Variants in GCNT1 observed in about 807,000 individuals in gnomAD.
GCNT1 encodes the protein glucosaminyl (N-acetyl) transferase 1.
A neutral mutation model predicts 26.2 loss-of-function variants in GCNT1; 16 were observed. That is an observed-to-expected ratio of 0.61 (90% CI 0.41 to 0.93). GCNT1 has a LOEUF of 0.93. Among genes scored for constraint, GCNT1 ranks in the 40% least tolerant of loss-of-function variants. The pLI, the probability that GCNT1 is intolerant of heterozygous loss-of-function variation, is 0.00. For synonymous variants in GCNT1, 183 were observed against 190.8 expected (o/e 0.96, Z 0.34); for missense variants, 477 against 526.7 (o/e 0.91, Z 0.92).
chr9:76,475,273 TA>T (rs1224965779), intron 2 of GCNT1, among the ~76,000 whole-genome samples: 1 of 152,224 alleles, frequency 6.6e-6, no homozygotes, highest in Admixed American at 6.5e-5. Context: ...TGAAGCTGTT[TA>T]AAGGGCACAT....
intron 2 of GCNT1, among the ~76,000 whole-genome samples, chr9:76,472,699 AC>A (rs772041376): frequency 6.6e-6 from 1 of 151,850 alleles, no homozygotes; most frequent in Non-Finnish European, 1.5e-5. Context: ...AAGGAGCCAA[AC>A]CAGCAACAGA....
chr9:76,479,335 C>T (rs978217520), intron 2 of GCNT1, among the ~76,000 whole-genome samples: 2 of 152,134 alleles, frequency 1.3e-5, no homozygotes, highest in African/African-American at 2.4e-5. Context: ...ATGTGTCTTT[C>T]TTTATAGGAG....
intron 2 of GCNT1, among the ~76,000 whole-genome samples, chr9:76,465,321 A>G (rs1823971025): frequency 6.6e-6 from 1 of 152,080 alleles, no homozygotes; most frequent in Non-Finnish European, 1.5e-5. Context: ...ACGGGGTTTC[A>G]GCATATTGGC....
upstream of GCNT1, among the ~76,000 whole-genome samples, chr9:76,454,559 A>G (rs117048691): frequency 3.9e-5 from 6 of 151,990 alleles, no homozygotes; most frequent in East Asian, 1.2e-3. Context: ...CCCCACCCAA[A>G]TCTCATCTTG....
chr9:76,491,507 T>C (rs943336821), intron 2 of GCNT1, among the ~76,000 whole-genome samples: 2 of 141,644 alleles, frequency 1.4e-5, no homozygotes, highest in Non-Finnish European at 3.1e-5. Context: ...TACAAATTTG[T>C]TGTTTTTCCC....
intron 1 of GCNT1, among the ~76,000 whole-genome samples, chr9:76,443,591 C>T (rs950256753): frequency 6.6e-6 from 1 of 152,208 alleles, no homozygotes; most frequent in African/African-American, 2.4e-5. Context: ...AAACCCACAA[C>T]CTTCCAGCAT....
chr9:76,423,238 T>C (rs1823221302), intron 1 of GCNT1, among the ~76,000 whole-genome samples: 1 of 152,212 alleles, frequency 6.6e-6, no homozygotes, highest in African/African-American at 2.4e-5. Context: ...AGTTCATGTG[T>C]TGGAAACTTA....
At chr9:76,431,963 G>A (rs1424022783) in intron 1 of GCNT1, among the ~76,000 whole-genome samples, 3 of 152,110 alleles carry the variant, frequency 2.0e-5, no homozygotes, top group Non-Finnish European at 4.4e-5. Context: ...GCAAAAATTA[G>A]CCGGGTGTGG....
chr9:76,403,268 A>G, the GCNT1 span, among the ~76,000 whole-genome samples: 1 of 152,164 alleles, frequency 6.6e-6, no homozygotes, highest in Non-Finnish European at 1.5e-5. Context: ...ATGATTACTA[A>G]TTTTTAAAAA....
the GCNT1 span, among the ~76,000 whole-genome samples, chr9:76,397,656 C>CTGT: frequency 6.6e-6 from 1 of 152,122 alleles, no homozygotes; most frequent in African/African-American, 2.4e-5. Context: ...GTTGGCCAGG[C>CTGT]TGTTCTGGAA....
intron 2 of GCNT1, among the ~76,000 whole-genome samples, chr9:76,487,260 G>T (rs929298427): frequency 6.6e-6 from 1 of 152,086 alleles, no homozygotes; most frequent in African/African-American, 2.4e-5. Context: ...GTGGCGTTTG[G>T]GCTCCCTCAC....
At chr9:76,410,803 A>G in the GCNT1 span, among the ~76,000 whole-genome samples, 1 of 152,216 alleles carries the variant, frequency 6.6e-6, no homozygotes, top group South Asian at 2.1e-4. Flanking sequence ...CTCCAAGTAT[A>G]ACAGTGGATT....
At chr9:76,502,197 A>G (rs1038729661) in intron 3 of GCNT1, 42 bp from the exon 4 acceptor site, 2 of 179,330 alleles carry the variant, frequency 1.1e-5, no homozygotes, top group African/African-American at 6.2e-5. Flanking sequence ...ATATATATAT[A>G]TATATATTTA....
the GCNT1 span, chr9:76,394,078 C>A: frequency 6.3e-7 from 1 of 1,591,916 alleles, no homozygotes; most frequent in Middle Eastern, 1.7e-4. Context: ...ACTCTGGCCG[C>A]CCTGCTCTCA....
chr9:76,476,823 T>G (rs1824264113), intron 2 of GCNT1, among the ~76,000 whole-genome samples: 1 of 152,340 alleles, frequency 6.6e-6, no homozygotes, highest in African/African-American at 2.4e-5. Flanking sequence ...CTCAAAAAGG[T>G]TATTTTTCAG....
upstream of GCNT1, among the ~76,000 whole-genome samples, chr9:76,454,640 T>C (rs1045077269): frequency 6.6e-6 from 1 of 150,738 alleles, no homozygotes; most frequent in Non-Finnish European, 1.5e-5. Context: ...GTGGGGGCAG[T>C]TTCCCCCGTG....
chr9:76,500,784 G>A (rs1467361813), intron 2 of GCNT1, 132 bp from the exon 3 acceptor site: 2 of 152,102 alleles, frequency 1.3e-5, no homozygotes, highest in Non-Finnish European at 2.9e-5. Flanking sequence ...AATTTTAAAA[G>A]AGAAAAGTTA....
the GCNT1 span, among the ~76,000 whole-genome samples, chr9:76,413,888 T>G: frequency 6.6e-6 from 1 of 152,158 alleles, no homozygotes; most frequent in Non-Finnish European, 1.5e-5. Flanking sequence ...TGGGTTTTTT[T>G]GTCCAGTCTT....
upstream of GCNT1, among the ~76,000 whole-genome samples, chr9:76,416,467 T>C (rs1457628845): frequency 6.6e-6 from 1 of 152,198 alleles, no homozygotes; most frequent in Non-Finnish European, 1.5e-5. Context: ...CATCCATGAA[T>C]GGCAACTGCT....
Sources: allele counts gnomAD v4.1 joint callset (sites outside exome capture counted in the v4.1 genomes callset), GRCh38; gene constraint gnomAD v4.1.1; transcripts MANE v1.5; gene names NCBI Gene and HGNC (gene_info 2026-07-23, HGNC 2026-07-21).